EMID1: variants seen among roughly 807,000 people sequenced by gnomAD.
EMID1 encodes the protein EMI domain-containing protein 1.
EMID1 carries 40 observed loss-of-function variants against 60.6 expected under a neutral mutation model. The observed-to-expected ratio is 0.66, with a 90% CI of 0.51 to 0.86. The LOEUF is 0.86. Ranked by LOEUF, EMID1 falls within the 40% of genes least tolerant of loss-of-function variation. EMID1 has a pLI of 0.00. For missense variants in EMID1, 585 were observed against 597.1 expected, an observed-to-expected ratio of 0.98 and a Z score of 0.21; for synonymous variants, 242 against 231.0, an observed-to-expected ratio of 1.05 and a Z score of -0.43.
rs1246119517 is a variant in EMID1 at position 29,259,482 on chromosome 22, AG to A, written c.*540del. The A allele has an allele frequency of 6.0e-6, 1 of 166,502 alleles. No individual in the cohort carries two copies. The highest frequency in any genetic ancestry group is 1.3e-5 in the Non-Finnish European group (1 of 78,084). The allele number at this position is 166,502 out of a possible 1,614,324, so 10.3% of individuals were successfully genotyped here. On this transcript the variant is annotated 3_prime_UTR_variant, in exon 15 of 15. Transcript: ENST00000334018. ...GAGCCCCCAGGCCCTCCCGCATCTC[AG>A]GTTGGGGATGGGGACATGGAGAGGA...
chr22:29,217,135 A>G (rs950500602), intron 3 of EMID1, among the ~76,000 whole-genome samples: 4 of 152,190 alleles, frequency 2.6e-5, no homozygotes, highest in Admixed American at 2.6e-4. Context: ...GCCTCCCCAG[A>G]CAAAGGCCAT....
intron 6 of EMID1, 49 bp from the exon 7 acceptor site, chr22:29,231,544 G>A (rs908393305): frequency 1.3e-6 from 2 of 1,538,162 alleles, no homozygotes; most frequent in Non-Finnish European, 1.8e-6. Flanking sequence ...CCAGGGTGGG[G>A]GTCAAGAGCA....
chr22:29,232,275 G>T lies in EMID1; in HGVS notation c.696G>T (p.Gly232=), dbSNP rs534503563. The change falls in exon 8 of 15, where the codon GGG becomes GGT. Residue 232 remains glycine, a synonymous_variant. Coordinates refer to ENST00000334018, the MANE Select transcript of EMID1 (RefSeq NM_133455.4). ...TTGCAGGTCCACAGGGCCCCCCAGGGAGCCCTGGCCGGGCTGGAGCTGTGG... is the reference window on the plus strand; with the variant it reads ...TTGCAGGTCCACAGGGCCCCCCAGGTAGCCCTGGCCGGGCTGGAGCTGTGG... ...RGPPGPQGPP[G]SPGRAGAVGT... is the part of the protein sequence containing the mutation. 1.2e-6 allele frequency: 2 copies of T among 1,611,488 alleles called. No individual in the cohort carries two copies. The highest frequency in any genetic ancestry group is 2.2e-5 in the South Asian group (2 of 91,034).
At chr22:29,209,830 G>A (rs528240930) in intron 1 of EMID1, among the ~76,000 whole-genome samples, 1 of 152,310 alleles carries the variant, frequency 6.6e-6, no homozygotes, top group South Asian at 2.1e-4. Context: ...GAGTGTGCAG[G>A]AGAGGTGAGC....
intron 12 of EMID1, among the ~76,000 whole-genome samples, chr22:29,241,481 C>T (rs1168615676): frequency 4.0e-5 from 6 of 151,060 alleles, no homozygotes; most frequent in South Asian, 2.1e-4. Context: ...CTCTACCTCC[C>T]GGGTTCAAGC....
chr22:29,218,205 G>A (rs2146176010), intron 3 of EMID1, among the ~76,000 whole-genome samples: 1 of 152,342 alleles, frequency 6.6e-6, no homozygotes, highest in African/African-American at 2.4e-5. Flanking sequence ...GTGGCGACCT[G>A]GCAGACACAG....
At chr22:29,245,445 C>A (rs1408640312) in intron 13 of EMID1, among the ~76,000 whole-genome samples, 1 of 152,200 alleles carries the variant, frequency 6.6e-6, no homozygotes, top group Non-Finnish European at 1.5e-5. Flanking sequence ...CACCTGTGGG[C>A]TCCCCGCAAG....
chr22:29,208,856 C>A (rs994051373), intron 1 of EMID1, among the ~76,000 whole-genome samples: 4 of 152,214 alleles, frequency 2.6e-5, no homozygotes, highest in African/African-American at 9.6e-5. Flanking sequence ...CAGGAATGAA[C>A]AATAGCTGTT....
chr22:29,209,851 G>A (rs2039813712), intron 1 of EMID1, among the ~76,000 whole-genome samples: 1 of 152,200 alleles, frequency 6.6e-6, no homozygotes, highest in African/African-American at 2.4e-5. Context: ...AGAATAAGAA[G>A]TGAAGGGCAG....
chr22:29,234,244 T>G, intron 11 of EMID1, 45 bp downstream of exon 11: 1 of 1,610,650 alleles, frequency 6.2e-7, no homozygotes, highest in Non-Finnish European at 8.5e-7. Context: ...TGGGGAGTCC[T>G]GAGGGCCCCA....
In EMID1 at chr22:29,225,178, C is replaced by A; in HGVS notation, c.365C>A (p.Thr122Asn). Residue 122 changes from threonine to asparagine, a missense_variant, in exon 4 of 15, where the codon ACC (threonine) becomes AAC (asparagine). Thr to Asn is a moderately conservative substitution (Grantham distance 65). Transcript: ENST00000334018. ...TTGGAGCCCATGTGGTCGGGCAGTA[C>A]CATGCGGCGGATGGCGCTTCGGCCC... ...ASLEPMWSGSTMRRMALRPTA... is the reference protein window; with the variant it reads ...ASLEPMWSGSNMRRMALRPTA... The A allele has an allele frequency of 1.2e-6, 2 of 1,614,004 alleles. No individual in the cohort carries two copies. Among genetic ancestry groups the A allele is most frequent in the Non-Finnish European group, 1.7e-6 (2 of 1,180,012 alleles).
Position 29,225,221 on chromosome 22 carries a change from G to T in EMID1, c.403+5G>T, listed in dbSNP as rs776523842. On this transcript the variant is annotated splice_donor_5th_base_variant and intron_variant, in intron 4 of 14. Transcript: ENST00000334018. ...TTCGGCCCACAGCCTTCTCAGGTGG[G>T]TCCTGGGATAGCTTCTTGAGGTCCC... 1 of 1,613,178 alleles carries T rather than the reference G, an allele frequency of 6.2e-7. No homozygotes were observed. The highest frequency in any genetic ancestry group is 1.7e-5 in the Admixed American group (1 of 60,006).
At chr22:29,223,452 C>A (rs1038857411) in intron 3 of EMID1, among the ~76,000 whole-genome samples, 4 of 152,324 alleles carry the variant, frequency 2.6e-5, no homozygotes, top group African/African-American at 9.6e-5. Context: ...ACATCTCCAC[C>A]TGGAAGCAGA....
intron 2 of EMID1, chr22:29,215,256 A>G (rs1413309327): frequency 1.0e-6 from 1 of 985,288 alleles, no homozygotes; most frequent in Non-Finnish European, 1.2e-6. Flanking sequence ...ATTTGCCTGC[A>G]TTCCTTTACT....
chr22:29,258,932 C>T lies in EMID1; in HGVS notation c.1320C>T (p.Asp440=), dbSNP rs941089066. 2.9e-5 allele frequency: 46 copies of T among 1,612,652 alleles called. No homozygotes were observed. The highest frequency in any genetic ancestry group is 6.7e-5 in the African/African-American group (5 of 74,992). Reference sequence around the variant, plus strand: ...GGATCGTGGCCCCCAGGAGCCGGGACGAGAGAGGCTGAGGGTGGTGGCGGC... The same window carrying T: ...GGATCGTGGCCCCCAGGAGCCGGGATGAGAGAGGCTGAGGGTGGTGGCGGC... ...NYRIVAPRSR[D]ERG is the part of the protein sequence containing the mutation. The change falls in exon 15 of 15, where the codon GAC becomes GAT. Residue 440 remains aspartate (D), a synonymous_variant. Coordinates refer to ENST00000334018, the MANE Select transcript of EMID1 (RefSeq NM_133455.4).
Position 29,259,071 on chromosome 22 carries a change from C to G in EMID1, c.*127C>G. ...TCAGGGTCCCTTCTGCCATCTAGGC[C>G]TTAGGGGTAAGCAGGTCTCAGTCCT... On this transcript the variant is annotated 3_prime_UTR_variant, in exon 15 of 15. Coordinates refer to ENST00000334018, the MANE Select transcript of EMID1 (RefSeq NM_133455.4). 7.1e-7 allele frequency: 1 copy of G among 1,414,768 alleles called. No homozygotes were observed. The highest frequency in any genetic ancestry group is 9.5e-7 in the Non-Finnish European group (1 of 1,054,616). 87.6% of individuals were successfully genotyped at this position (1,414,768 alleles called of 1,614,324 possible).
intron 1 of EMID1, among the ~76,000 whole-genome samples, chr22:29,206,792 T>C (rs559176275): frequency 2.7e-4 from 41 of 152,174 alleles, no homozygotes; most frequent in Non-Finnish European, 5.4e-4. Flanking sequence ...TCATCAATCC[T>C]TGAAGGACCG....
chr22:29,226,529 G>C lies in EMID1; in HGVS notation c.443G>C (p.Arg148Pro). Residue 148 changes from arginine to proline, a missense_variant, in exon 5 of 15, where the codon CGG becomes CCG. By Grantham distance (103) the Arg-to-Pro change is moderately radical. Transcript: ENST00000334018. ...AGCAAAGTGTCAGAGCTGACAGAGC[G>C]GCTGAAGGTGCTGGAGGCCAAGGTG... ...NCSKVSELTE[R>P]LKVLEAKMTM... 1 of 1,611,770 alleles carries C rather than the reference G, an allele frequency of 6.2e-7. No homozygotes were observed. The highest frequency in any genetic ancestry group is 8.5e-7 in the Non-Finnish European group (1 of 1,178,990).
intron 13 of EMID1, among the ~76,000 whole-genome samples, chr22:29,249,090 G>T (rs1451462865): frequency 6.6e-6 from 1 of 152,120 alleles, no homozygotes; most frequent in African/African-American, 2.4e-5. Flanking sequence ...ATTGCAGTGT[G>T]CACCGTGAAT....
Sources: allele counts gnomAD v4.1 joint callset (sites outside exome capture counted in the v4.1 genomes callset), GRCh38; gene constraint gnomAD v4.1.1; transcripts MANE v1.5; gene names NCBI Gene and HGNC (gene_info 2026-07-23, HGNC 2026-07-21).